SCYL1: variants seen among roughly 807,000 people sequenced by gnomAD.
The protein encoded by SCYL1 is SCY1 like pseudokinase 1.
Under a neutral mutation model 94.8 loss-of-function variants are expected in SCYL1, and 85 were observed. That is an observed-to-expected ratio of 0.90 (90% CI 0.75 to 1.07). SCYL1 has a LOEUF of 1.07. Ranked by LOEUF, SCYL1 falls within the 50% of genes least tolerant of loss-of-function variation. The pLI is 0.00. For missense variants in SCYL1, 968 were observed against 1,083.3 expected, an observed-to-expected ratio of 0.89 and a Z score of 1.49; for synonymous variants, 459 against 435.5, an observed-to-expected ratio of 1.05 and a Z score of -0.67.
Position 65,538,461 on chromosome 11 carries a change from G to A in SCYL1, c.2322G>A (p.Leu774=), listed in dbSNP as rs775621894. The A allele has an allele frequency of 1.9e-6, 3 of 1,570,020 alleles. No individual in the cohort carries two copies. The African/African-American group carries it at 4.1e-5, about 21-fold the overall frequency. Residue 774 remains leucine, a synonymous_variant, in exon 18 of 18, where the codon CTG becomes CTA. Coordinates refer to ENST00000270176, the MANE Select transcript of SCYL1 (RefSeq NM_020680.4). Reference sequence around the variant, plus strand: ...CGCCAGGACAGGTCAAGGCTGAGCTGGCCCGGAAGAAGCGCGAGGAGCGGC... The same window carrying A: ...CGCCAGGACAGGTCAAGGCTGAGCTAGCCCGGAAGAAGCGCGAGGAGCGGC... ...ETDSRQVKAE[L]ARKKREERRR...
intron 6 of SCYL1, 145 bp from the exon 7 acceptor site, chr11:65,530,483 TG>T: frequency 1.3e-6 from 1 of 784,566 alleles, no homozygotes; most frequent in Non-Finnish European, 2.0e-6. Flanking sequence ...GGCAGGTAAG[TG>T]GGACAGTTGG....
chr11:65,525,992 G>A lies in SCYL1; in HGVS notation c.324G>A (p.Glu108=), dbSNP rs55662663. The A allele has an allele frequency of 0.023, 36,522 of 1,613,410 alleles. 556 individuals carry two copies. The highest frequency in any genetic ancestry group is 0.028 in the Non-Finnish European group (33,489 of 1,179,930). The change falls in exon 3 of 18, where the codon GAG becomes GAA. Residue 108 remains glutamate (E), a synonymous_variant. Coordinates refer to ENST00000270176, the MANE Select transcript of SCYL1 (RefSeq NM_020680.4). ...GAATATACCTCAAGGCGAGAGTGGA[G>A]GCTGGTGGCCTGAAGGAGCTGGAGA... ...PLGIYLKARV[E]AGGLKELEIS...
At chr11:65,534,909 G>A (rs1168968550) in intron 9 of SCYL1, among the ~76,000 whole-genome samples, 1 of 152,074 alleles carries the variant, frequency 6.6e-6, no homozygotes, top group Non-Finnish European at 1.5e-5. Context: ...TACCGGGGAG[G>A]GCATCAGTGA....
rs1446199396 is a variant in SCYL1, at chr11:65,538,157, C to T, written c.2222C>T (p.Thr741Ile). 1 of 1,595,024 alleles carries T rather than the reference C, an allele frequency of 6.3e-7. No homozygotes were observed. Among genetic ancestry groups the T allele is most frequent in the Non-Finnish European group, 8.5e-7 (1 of 1,171,026 alleles). Residue 741 changes from threonine to isoleucine, a missense_variant, in exon 16 of 18, where the codon ACC becomes ATC. Coordinates refer to ENST00000270176, the MANE Select transcript of SCYL1 (RefSeq NM_020680.4). The stretch of plus-strand genomic sequence containing the variant: ...AGCGACAAGGGCGACCCCTTCGCTA[C>T]CCTGTCTGCACGTCCCAGCACCCAG... ...ESSDKGDPFA[T>I]LSARPSTQPR...
intron 8 of SCYL1, among the ~76,000 whole-genome samples, chr11:65,532,426 GAAAAAAA>G (rs398016427): frequency 0.04 from 4,213 of 104,194 alleles, 190 homozygotes; most frequent in African/African-American, 0.13. Context: ...CTCTGTCTCA[GAAAAAAA>G]AAAAAAAAAA....
rs1855082942 is a variant in SCYL1, at chr11:65,526,424, A to G, written c.602+74A>G. On this transcript the variant is annotated intron_variant, in intron 4 of 17. Transcript: ENST00000270176. The surrounding 1 kb of genome is among the most constrained non-coding windows in gnomAD (Gnocchi z 4.1). ...CCTGCAGCCTCAGGACTCCTAGACT[A>G]GTTGGCACTCCCCTGTTCCCTGCTG... 8.2e-7 allele frequency: 1 copy of G among 1,218,304 alleles called. No individual in the cohort carries two copies. Among genetic ancestry groups the G allele is most frequent in the East Asian group, 2.5e-5 (1 of 40,396 alleles). 75.5% of individuals were successfully genotyped at this position (1,218,304 alleles called of 1,614,324 possible). A position where few individuals can be genotyped will look rare whatever the true frequency, so the allele number is the denominator to read the frequency against.
rs777408861 is a variant in SCYL1, at chr11:65,526,218, T to C, written c.470T>C (p.Leu157Pro). 3.1e-6 allele frequency: 5 copies of C among 1,613,346 alleles called. No homozygotes were observed. Among genetic ancestry groups the C allele is most frequent in the Non-Finnish European group, 3.4e-6 (4 of 1,179,980 alleles). The change falls in exon 4 of 18, where the codon CTT becomes CCT. Residue 157 changes from leucine to proline, a missense_variant. Transcript: ENST00000270176. The surrounding 1 kb of genome is among the most constrained non-coding windows in gnomAD (Gnocchi z 4.1). Reference protein sequence around the residue: ...VFVDRAGEWKLGGLDYMYSAQ... With the variant: ...VFVDRAGEWKPGGLDYMYSAQ... ...GTGGACCGAGCTGGCGAGTGGAAGC[T>C]TGGGGGCCTGGACTACATGTATTCG...
At chr11:65,530,323 C>CA (rs1443069333) in intron 6 of SCYL1, among the ~76,000 whole-genome samples, 1 of 152,220 alleles carries the variant, frequency 6.6e-6, no homozygotes, top group African/African-American at 2.4e-5. Context: ...GCTCTCCCAG[C>CA]AACAGGTCAG....
At position 65,530,763 on chromosome 11, in the gene SCYL1, C is replaced by T. The variant is rs757099699; in HGVS notation, c.984C>T (p.Ala328=). 13 of 1,612,992 alleles carry T rather than the reference C, an allele frequency of 8.1e-6. No individual in the cohort carries two copies. The highest frequency in any genetic ancestry group is 7.7e-5 in the South Asian group (7 of 91,010). ...CCTTCGAGTTCGGCAATGCTGGGGC[C>T]GTTGTCCTCACGCCCCTCTTCAAGG... ...LTAFEFGNAG[A]VVLTPLFKVG... is the part of the protein sequence containing the mutation. The change falls in exon 7 of 18, where the codon GCC becomes GCT. Residue 328 remains alanine, a synonymous_variant. Coordinates refer to ENST00000270176, the MANE Select transcript of SCYL1 (RefSeq NM_020680.4).
At chr11:65,538,366 G>A (rs1422011218) in intron 17 of SCYL1, 42 bp downstream of exon 17, 2 of 1,539,386 alleles carry the variant, frequency 1.3e-6, no homozygotes, top group African/African-American at 2.7e-5. Flanking sequence ...AGGGCTCCCC[G>A]ACTAGCCCGC....
chr11:65,536,006 T>A lies in SCYL1; in HGVS notation c.1440T>A (p.Phe480Leu). The A allele has an allele frequency of 6.2e-7, 1 of 1,613,682 alleles. No homozygotes were observed. Among genetic ancestry groups the A allele is most frequent in the South Asian group, 1.1e-5 (1 of 91,030 alleles). ...TCAGCCGAGCCACTAGGGACCCGTT[T>A]GCACCGTCCCGGGTTGCGGGTGTCC... Reference protein sequence around the residue: ...SAFSRATRDPFAPSRVAGVLG... With the variant: ...SAFSRATRDPLAPSRVAGVLG... The change falls in exon 11 of 18, where the codon TTT (phenylalanine) becomes TTA (leucine). Residue 480 changes from phenylalanine (F) to leucine (L), a missense_variant. By Grantham distance (22) the Phe-to-Leu change is conservative (BLOSUM62 0). This residue lies in a region of SCYL1 where 474 missense variants were observed against 463.6 expected (regional missense o/e 1.02). Coordinates refer to ENST00000270176, the MANE Select transcript of SCYL1 (RefSeq NM_020680.4).
At chr11:65,535,595 GC>G in intron 10 of SCYL1, 1 of 663,040 alleles carries the variant, frequency 1.5e-6, no homozygotes, top group African/African-American at 1.8e-5. Context: ...GGCGTGCTTG[GC>G]CCCATGGCCT....
At chr11:65,537,693 C>T in intron 14 of SCYL1, 116 bp from the exon 15 acceptor site, 1 of 857,158 alleles carries the variant, frequency 1.2e-6, no homozygotes, top group East Asian at 2.7e-5. Context: ...GCCTGAGGAG[C>T]AAATGAGGAG....
rs1297312080 is a variant in SCYL1, at chr11:65,527,118, G to A, written c.849+1G>A. 6.2e-7 allele frequency: 1 copy of A among 1,612,304 alleles called. No homozygotes were observed. The highest frequency in any genetic ancestry group is 1.7e-5 in the Admixed American group (1 of 59,980). ...CAACCTCTTCCTGGAGGAGATTCAG[G>A]TGAGCCCCCAACCCACCCTGGGCTT... On this transcript the variant is annotated splice_donor_variant, in intron 6 of 17. Coordinates refer to ENST00000270176, the MANE Select transcript of SCYL1 (RefSeq NM_020680.4). LOFTEE classifies it high-confidence loss of function.
chr11:65,527,168 C>T (rs773038775), intron 6 of SCYL1, 51 bp downstream of exon 6: 1 of 1,585,974 alleles, frequency 6.3e-7, no homozygotes. Context: ...TCATTCTGCC[C>T]CTACCCTGCT....
At chr11:65,529,734 T>C (rs768707918) in intron 6 of SCYL1, among the ~76,000 whole-genome samples, 10 of 152,192 alleles carry the variant, frequency 6.6e-5, no homozygotes, top group Non-Finnish European at 1.3e-4. Flanking sequence ...CTGCTGACCT[T>C]GACCCTCTGT....
chr11:65,533,433 A>G (rs1565075013), intron 9 of SCYL1, among the ~76,000 whole-genome samples: 2 of 152,236 alleles, frequency 1.3e-5, no homozygotes, highest in Non-Finnish European at 2.9e-5. Context: ...AAAAAAAGAA[A>G]GAAAATATGC....
At position 65,525,809 on chromosome 11, in the gene SCYL1, C is replaced by A. The variant is rs562443078; in HGVS notation, c.252+95C>A. 6.3e-6 allele frequency: 10 copies of A among 1,580,132 alleles called. No homozygotes were observed. The African/African-American group carries it at 9.4e-5, about 15-fold the overall frequency. ...CTGCCCTGTTTCCACCCTATGTGCC[C>A]CAGCACCCCCAGATTTGGTTTCCTC... On this transcript the variant is annotated intron_variant, in intron 2 of 17. Transcript: ENST00000270176.
At position 65,538,314 on chromosome 11, in the gene SCYL1, G is replaced by C; in HGVS notation, c.2292G>C (p.Glu764Asp). The change falls in exon 17 of 18, where the codon GAG becomes GAC. Residue 764 changes from glutamate to aspartate, a missense_variant. Around this residue, in one of 2 missense-constraint regions of SCYL1, gnomAD observed 474 missense variants for 463.6 expected, o/e 1.02. Coordinates refer to ENST00000270176, the MANE Select transcript of SCYL1 (RefSeq NM_020680.4). ...GTGAGGACAACTGGGAGGGCCTCGA[G>C]ACTGACAGTCGTAAGTGCTTCCCCT... The part of the protein sequence containing the change: ...SWGEDNWEGL[E>D]TDSRQVKAEL... 3 of 1,550,150 alleles carry C rather than the reference G, an allele frequency of 1.9e-6. No individual in the cohort carries two copies. The highest frequency in any genetic ancestry group is 2.6e-6 in the Non-Finnish European group (3 of 1,146,356).
Sources: gnomAD v4.1 joint callset for allele counts (sites outside exome capture counted in the v4.1 genomes callset) on GRCh38, gnomAD v4.1.1 for gene constraint, gnomAD v4.1.1 regional missense constraint, Gnocchi (gnomAD v3.1) non-coding constraint, MANE v1.5 for transcripts, NCBI Gene and HGNC (gene_info 2026-07-23, HGNC 2026-07-21) for gene names.